CEP295: variants seen among roughly 807,000 people sequenced by gnomAD.
CEP295 encodes the protein centrosomal protein of 295 kDa.
CEP295 carries 190 observed loss-of-function variants against 291.6 expected under a neutral mutation model. The observed-to-expected ratio is 0.65, with a 90% CI of 0.58 to 0.73. The LOEUF is 0.73. Among genes scored for constraint, CEP295 ranks in the 30% least tolerant of loss-of-function variants. The pLI is 0.00. For synonymous variants in CEP295, 993 were observed against 1,038.8 expected (o/e 0.96, Z 0.85); for missense variants, 2,863 against 2,949.4 (o/e 0.97, Z 0.68).
At chr11:93,721,593 C>T (rs773573769) in intron 19 of CEP295, 181 bp downstream of exon 19, 1 of 758,234 alleles carries the variant, frequency 1.3e-6, no homozygotes, top group Non-Finnish European at 2.4e-6. Context: ...TTCCAGTCTA[C>T]CTGATGCATG....
chr11:93,721,523 A>T (rs757974202), intron 19 of CEP295, 111 bp downstream of exon 19: 60 of 820,520 alleles, frequency 7.3e-5, no homozygotes, highest in Non-Finnish European at 1.2e-4. Context: ...GCTTTCTGAG[A>T]TCTGCTTTTA....
At chr11:93,681,403 A>ATTTTTTTTTTTTTTTTTT (rs71064773) in intron 7 of CEP295, among the ~76,000 whole-genome samples, 1 of 36,528 alleles carries the variant, frequency 2.7e-5, no homozygotes, top group Non-Finnish European at 4.4e-5. Context: ...CACCCAGCTA[A>ATTTTTTTTTTTTTTTTTT]TTTTTTTTTT....
At chr11:93,664,805 C>T (rs1307149815) in intron 1 of CEP295, among the ~76,000 whole-genome samples, 1 of 152,156 alleles carries the variant, frequency 6.6e-6, no homozygotes, top group Non-Finnish European at 1.5e-5. Flanking sequence ...TCTGTTTACA[C>T]CTGGTTGAAA....
At chr11:93,719,539 A>C (rs1953540885) in intron 18 of CEP295, 1 of 152,042 alleles carries the variant, frequency 6.6e-6, no homozygotes, top group Non-Finnish European at 1.5e-5. Context: ...AGTTGCTGGG[A>C]CTAGAGGGGT....
In CEP295 at chr11:93,727,656, G is replaced by T; in HGVS notation, c.7161+19G>T. The T allele has an allele frequency of 6.7e-7, 1 of 1,483,296 alleles. No homozygotes were observed. The highest frequency in any genetic ancestry group is 9.0e-7 in the Non-Finnish European group (1 of 1,116,372). 91.9% of individuals were successfully genotyped at this position (1,483,296 alleles called of 1,614,324 possible). A position where few individuals can be genotyped will look rare whatever the true frequency, so the allele number is the denominator to read the frequency against. On this transcript the variant is annotated intron_variant, in intron 24 of 29. Coordinates refer to ENST00000325212, the MANE Select transcript of CEP295 (RefSeq NM_033395.2). ...AGTCTGGGTAAGTGAAATCAGTGTT[G>T]TATAAATAACATTTAAATTCCTTTT...
At chr11:93,696,443 G>A (rs1302648352) in intron 14 of CEP295, 26 bp downstream of exon 14, 1 of 1,311,012 alleles carries the variant, frequency 7.6e-7, no homozygotes, top group Non-Finnish European at 1.1e-6. Flanking sequence ...TAATTTATAT[G>A]TGATCGTATG....
intron 18 of CEP295, among the ~76,000 whole-genome samples, 171 bp downstream of exon 18, chr11:93,707,068 T>C (rs983750526): frequency 3.6e-4 from 54 of 149,226 alleles, no homozygotes; most frequent in African/African-American, 1.3e-3. Context: ...GTTAAATGAG[T>C]AATTTTGCTT....
chr11:93,719,899 G>T (rs1464697379), intron 18 of CEP295, among the ~76,000 whole-genome samples: 1 of 152,086 alleles, frequency 6.6e-6, no homozygotes. Flanking sequence ...TTTCTCACAA[G>T]TGTCAGTTGG....
rs1439987153 is a variant in CEP295 at position 93,700,087 on chromosome 11, G to C, written c.5175G>C (p.Gln1725His). ...AAAGAGAAGTTCTGCATTATAGCCA[G>C]AAAGCCCAGGAAAAATTGCTTGTAC... ...DLQREVLHYSQKAQEKLLVQR... is the reference protein window; with the variant it reads ...DLQREVLHYSHKAQEKLLVQR... The change falls in exon 15 of 30, where the codon CAG becomes CAC. Residue 1725 changes from glutamine (Q) to histidine (H), a missense_variant. By Grantham distance (24) the Gln-to-His change is conservative. Transcript: ENST00000325212. 6.4e-7 allele frequency: 1 copy of C among 1,551,632 alleles called. No homozygotes were observed. Among genetic ancestry groups the C allele is most frequent in the Non-Finnish European group, 8.7e-7 (1 of 1,146,992 alleles).
At chr11:93,688,218 TTAAAGAA>T (rs1405696684) in intron 10 of CEP295, among the ~76,000 whole-genome samples, 1 of 152,208 alleles carries the variant, frequency 6.6e-6, no homozygotes, top group African/African-American at 2.4e-5. Flanking sequence ...GAAGGACTCT[TTAAAGAA>T]TAACTCCTGA....
intron 18 of CEP295, 33 bp from the exon 19 acceptor site, chr11:93,721,279 C>T: frequency 8.1e-7 from 1 of 1,233,100 alleles, no homozygotes; most frequent in Non-Finnish European, 1.2e-6. Flanking sequence ...CTATATTTTT[C>T]TCCCATCTTG....
intron 20 of CEP295, 182 bp from the exon 21 acceptor site, chr11:93,722,859 C>T (rs745548548): frequency 1.5e-5 from 7 of 477,728 alleles, no homozygotes; most frequent in Admixed American, 7.5e-5. Flanking sequence ...TACAGGTGTG[C>T]GCCACCACGC....
At chr11:93,701,019 A>G (rs1392078803) in intron 15 of CEP295, among the ~76,000 whole-genome samples, 1 of 152,122 alleles carries the variant, frequency 6.6e-6, no homozygotes, top group Non-Finnish European at 1.5e-5. Flanking sequence ...TAGTTGCCCT[A>G]TCTGGGAGAC....
chr11:93,690,729 C>CAAAAAAAA (rs10608060), intron 10 of CEP295, among the ~76,000 whole-genome samples: 2 of 68,360 alleles, frequency 2.9e-5, no homozygotes, highest in East Asian at 4.4e-4. Context: ...GACTCCGTCT[C>CAAAAAAAA]AAAAAAAAAA....
intron 7 of CEP295, 68 bp from the exon 8 acceptor site, chr11:93,683,491 G>A: frequency 8.5e-7 from 1 of 1,176,238 alleles, no homozygotes; most frequent in East Asian, 2.7e-5. Context: ...TCCCCTACCT[G>A]CAACATTGTT....
At chr11:93,695,662 A>G (rs1341897124) in intron 13 of CEP295, 28 bp downstream of exon 13, 3 of 1,475,322 alleles carry the variant, frequency 2.0e-6, no homozygotes, top group Admixed American at 5.9e-5. Context: ...TCATCACTAC[A>G]TAAATCATTT....
intron 13 of CEP295, 53 bp from the exon 14 acceptor site, chr11:93,696,267 T>G: frequency 9.5e-7 from 1 of 1,053,430 alleles, no homozygotes; most frequent in Non-Finnish European, 1.4e-6. Flanking sequence ...TAAAAATACT[T>G]CAATACTTAC....
chr11:93,675,756 C>G (rs17650557), intron 6 of CEP295, 90 bp downstream of exon 6: 13,358 of 681,452 alleles, frequency 0.02, 208 homozygotes, highest in South Asian at 0.033. Flanking sequence ...TATGGTGTTC[C>G]CAGATTTCAA....
chr11:93,716,871 G>A (rs1276741553), intron 18 of CEP295, among the ~76,000 whole-genome samples: 1 of 152,212 alleles, frequency 6.6e-6, no homozygotes, highest in Non-Finnish European at 1.5e-5. Flanking sequence ...TGTAGTTCAG[G>A]CCTGCTTAGG....
Sources: gnomAD v4.1 joint callset for allele counts (sites outside exome capture counted in the v4.1 genomes callset) on GRCh38, gnomAD v4.1.1 for gene constraint, MANE v1.5 for transcripts, NCBI Gene and HGNC (gene_info 2026-07-23, HGNC 2026-07-21) for gene names.